PTPRO: variants seen among roughly 807,000 people sequenced by gnomAD.
PTPRO encodes the protein receptor-type tyrosine-protein phosphatase O.
A neutral mutation model predicts 145.2 loss-of-function variants in PTPRO; 62 were observed. The observed-to-expected ratio is 0.43, with a 90% CI of 0.35 to 0.53. The LOEUF is 0.53. PTPRO is among the 20% of genes least tolerant of loss of function. The pLI is 0.01. For missense variants in PTPRO, 1,345 were observed against 1,482.7 expected (o/e 0.91, Z 1.53); for synonymous variants, 565 against 514.7 (o/e 1.10, Z -1.32).
chr12:15,569,366 C>T (rs768530764), intron 18 of PTPRO, 51 bp from the exon 19 acceptor site: 3 of 1,401,022 alleles, frequency 2.1e-6, no homozygotes, highest in Non-Finnish European at 2.0e-6. Flanking sequence ...TATATAATAC[C>T]TATCAACAAG....
chr12:15,400,425 C>T (rs1591777126), intron 1 of PTPRO, among the ~76,000 whole-genome samples: 1 of 152,202 alleles, frequency 6.6e-6, no homozygotes, highest in African/African-American at 2.4e-5. Context: ...GTCAATCTCA[C>T]CGTCATTTCT....
At chr12:15,532,238 T>C (rs1426139602) in intron 12 of PTPRO, among the ~76,000 whole-genome samples, 1 of 152,190 alleles carries the variant, frequency 6.6e-6, no homozygotes, top group Non-Finnish European at 1.5e-5. Context: ...AAGTAAAAAT[T>C]ATAATATTGA....
At position 15,404,909 on chromosome 12, in the gene PTPRO, A is replaced by G. The variant is rs538287561; in HGVS notation, c.76-79065A>G. Among the ~76,000 whole-genome samples the G allele has an allele frequency of 9.1e-4, 138 of 152,270 alleles. 1 individual carries two copies. The highest frequency in any genetic ancestry group is 3.2e-3 in the African/African-American group (134 of 41,568). On this transcript the variant is annotated intron_variant, in intron 1 of 26. Transcript: ENST00000281171. ...TTAGAGGCTGGAAAGTCCAAGATCA[A>G]GGTGCTGGCCAGTTTGGTTCTTGGT...
Position 15,352,994 on chromosome 12 carries a change from T to C in PTPRO, c.75+30193T>C, listed in dbSNP as rs191253775. 6.6e-4 allele frequency among the ~76,000 whole-genome samples: 100 copies of C among 152,360 alleles called. 1 individual carries two copies. The highest frequency in any genetic ancestry group is 6.5e-3 in the Admixed American group (100 of 15,310). On this transcript the variant is annotated intron_variant, in intron 1 of 26. Transcript: ENST00000281171. ...GAAAATATGTCTTAGGAATAAGTTA[T>C]CTACTGCCTGAGGAATTTAATTTAA...
rs544595301 is a variant in PTPRO, at chr12:15,346,349, A to C, written c.75+23548A>C. Reference sequence around the variant, plus strand: ...ACTTAAGTTTTCAAAATGCTACTTTATATGTTATTTTATTTCTCCCATTGC... The same window carrying C: ...ACTTAAGTTTTCAAAATGCTACTTTCTATGTTATTTTATTTCTCCCATTGC... On this transcript the variant is annotated intron_variant, in intron 1 of 26. Transcript: ENST00000281171. 5 of 152,292 alleles carry C rather than the reference A, an allele frequency of 3.3e-5. No individual in the cohort carries two copies. The South Asian group carries it at 1.0e-3, about 32-fold the overall frequency. 9.4% of individuals were successfully genotyped at this position (152,292 alleles called of 1,614,324 possible).
intron 6 of PTPRO, among the ~76,000 whole-genome samples, chr12:15,505,475 T>C (rs558462209): frequency 1.4e-4 from 22 of 152,220 alleles, no homozygotes; most frequent in African/African-American, 5.1e-4. Context: ...ATTGAGAATA[T>C]GTCGGAATTG....
Position 15,515,574 on chromosome 12 carries a change from G to A in PTPRO, c.1541G>A (p.Gly514Asp). Reference sequence around the variant, plus strand: ...CAGGTTGTAATATACCTAAGGAAAGGCCCTTTGATTGGACCACCTTCAGAT... The same window carrying A: ...CAGGTTGTAATATACCTAAGGAAAGACCCTTTGATTGGACCACCTTCAGAT... ...QYQVVIYLRK[G>D]PLIGPPSDPV... is the part of the protein sequence containing the mutation. Residue 514 changes from glycine to aspartate, a missense_variant, in exon 8 of 27, where the codon GGC (glycine) becomes GAC (aspartate). This residue lies in a region of PTPRO where 1,130 missense variants were observed against 1,214.7 expected (regional missense o/e 0.93). Coordinates refer to ENST00000281171, the MANE Select transcript of PTPRO (RefSeq NM_030667.3). The A allele has an allele frequency of 6.2e-7, 1 of 1,613,940 alleles. No individual in the cohort carries two copies. Among genetic ancestry groups the A allele is most frequent in the Non-Finnish European group, 8.5e-7 (1 of 1,179,966 alleles).
intron 10 of PTPRO, among the ~76,000 whole-genome samples, chr12:15,521,227 G>GAA (rs3216543): frequency 1.4e-5 from 2 of 141,262 alleles, no homozygotes; most frequent in African/African-American, 2.6e-5. Context: ...AAATGTATGA[G>GAA]AAAAAAAAAA....
chr12:15,361,465 A>G (rs1037274612), intron 1 of PTPRO, among the ~76,000 whole-genome samples: 10 of 151,626 alleles, frequency 6.6e-5, no homozygotes, highest in Non-Finnish European at 1.2e-4. Flanking sequence ...AAAAGAAAGA[A>G]AAAGAAAAAA....
chr12:15,390,443 G>T (rs924336405), intron 1 of PTPRO, among the ~76,000 whole-genome samples: 2 of 152,126 alleles, frequency 1.3e-5, no homozygotes, highest in African/African-American at 4.8e-5. Context: ...TGCAGGGAAA[G>T]TCCCCTTTAT....
intron 1 of PTPRO, among the ~76,000 whole-genome samples, chr12:15,363,049 T>A (rs1938256561): frequency 6.6e-6 from 1 of 152,154 alleles, no homozygotes; most frequent in African/African-American, 2.4e-5. Context: ...GTGATGGAAA[T>A]GAAGAAGAAA....
chr12:15,447,880 T>C (rs1461975359), intron 1 of PTPRO, among the ~76,000 whole-genome samples: 1 of 152,162 alleles, frequency 6.6e-6, no homozygotes, highest in African/African-American at 2.4e-5. Flanking sequence ...AAAAATCCCC[T>C]GTATGAGGGA....
At chr12:15,535,645 AAC>A (rs1346385195) in intron 12 of PTPRO, among the ~76,000 whole-genome samples, 2 of 152,216 alleles carry the variant, frequency 1.3e-5, no homozygotes, top group African/African-American at 4.8e-5. Context: ...TTGGTCCAGA[AAC>A]AGTCATTTCG....
chr12:15,528,861 T>C (rs1280485431), intron 12 of PTPRO, among the ~76,000 whole-genome samples: 1 of 152,072 alleles, frequency 6.6e-6, no homozygotes, highest in African/African-American at 2.4e-5. Context: ...AGAACATTTT[T>C]ACAGTGCTCA....
At chr12:15,449,518 T>C (rs577527108) in intron 1 of PTPRO, among the ~76,000 whole-genome samples, 36 of 152,348 alleles carry the variant, frequency 2.4e-4, no homozygotes, top group African/African-American at 6.3e-4. Flanking sequence ...CCAAGAGATC[T>C]ACTGTACAGT....
Position 15,483,985 on chromosome 12 carries a change from T to C in PTPRO, c.87T>C (p.Ala29=), listed in dbSNP as rs747473326. The change falls in exon 2 of 27, where the codon GCT becomes GCC. Residue 29 remains alanine (A), a synonymous_variant. Transcript: ENST00000281171. Reference sequence around the variant, plus strand: ...GTTTCATTCAACAGAATGCTACAGCTTTCCATGTAACTGTCCAAGATGATA... The same window carrying C: ...GTTTCATTCAACAGAATGCTACAGCCTTCCATGTAACTGTCCAAGATGATA... ...WLFVLFKNAT[A]FHVTVQDDNN... 3.1e-6 allele frequency: 5 copies of C among 1,613,560 alleles called. 1 individual carries two copies. In the South Asian group the frequency reaches 5.5e-5, roughly 18 times the overall value.
At chr12:15,441,516 T>G (rs892822430) in intron 1 of PTPRO, among the ~76,000 whole-genome samples, 2 of 152,038 alleles carry the variant, frequency 1.3e-5, no homozygotes, top group Non-Finnish European at 2.9e-5. Context: ...AGGGCAGATA[T>G]TGAGAATCAA....
At chr12:15,534,773 C>G (rs1046562853) in intron 12 of PTPRO, among the ~76,000 whole-genome samples, 1 of 152,110 alleles carries the variant, frequency 6.6e-6, no homozygotes, top group Admixed American at 6.5e-5. Flanking sequence ...AATAAACAGT[C>G]CGATTTACAT....
intron 19 of PTPRO, among the ~76,000 whole-genome samples, chr12:15,569,771 C>T (rs1180807359): frequency 2.0e-5 from 3 of 152,154 alleles, no homozygotes; most frequent in South Asian, 2.1e-4. Flanking sequence ...TCATTGAAAA[C>T]CAGGGAAATC....
Sources: gnomAD v4.1 joint callset for allele counts (sites outside exome capture counted in the v4.1 genomes callset) on GRCh38, gnomAD v4.1.1 for gene constraint, gnomAD v4.1.1 regional missense constraint, MANE v1.5 for transcripts, NCBI Gene and HGNC (gene_info 2026-07-23, HGNC 2026-07-21) for gene names.